The following FIGN variants were observed in gnomAD, a reference collection of about 807,000 sequenced individuals.
The protein encoded by FIGN is fidgetin.
A neutral mutation model predicts 51.3 loss-of-function variants in FIGN; 11 were observed. That is an observed-to-expected ratio of 0.21 (90% CI 0.13 to 0.35). The LOEUF is 0.35. FIGN is among the 10% of genes least tolerant of loss of function. The pLI is 1.00. For missense variants in FIGN, 857 were observed against 943.6 expected (o/e 0.91, Z 1.20); for synonymous variants, 407 against 363.2 (o/e 1.12, Z -1.37).
intron 2 of FIGN, among the ~76,000 whole-genome samples, chr2:163,646,459 T>C (rs986087409): frequency 2.6e-5 from 4 of 152,200 alleles, no homozygotes; most frequent in Non-Finnish European, 5.9e-5. Context: ...ACATTTTACT[T>C]TTCAAGCTTT....
At chr2:163,683,829 T>C (rs902743934) in intron 2 of FIGN, among the ~76,000 whole-genome samples, 4 of 152,136 alleles carry the variant, frequency 2.6e-5, no homozygotes, top group Non-Finnish European at 5.9e-5. Flanking sequence ...CTAGAGAACA[T>C]GTTTTAATGA....
At chr2:163,669,015 A>AATATATATATATATATATATATATATAT (rs138074416) in intron 2 of FIGN, among the ~76,000 whole-genome samples, 22 of 138,522 alleles carry the variant, frequency 1.6e-4, no homozygotes, top group Admixed American at 6.4e-4. Flanking sequence ...GAAAAAAAGG[A>AATATATATATATATATATATATATATAT]ATATATATAT....
intron 2 of FIGN, among the ~76,000 whole-genome samples, chr2:163,616,516 C>A (rs1433753124): frequency 6.6e-6 from 1 of 152,078 alleles, no homozygotes; most frequent in Non-Finnish European, 1.5e-5. Flanking sequence ...AGGGGCTCTG[C>A]CTTCATTTGT....
intron 2 of FIGN, among the ~76,000 whole-genome samples, chr2:163,656,380 G>A (rs192733867): frequency 7.1e-4 from 108 of 152,210 alleles, no homozygotes; most frequent in Admixed American, 6.7e-3. Flanking sequence ...TGGTCATAAC[G>A]AAACAGTGAG....
intron 2 of FIGN, among the ~76,000 whole-genome samples, chr2:163,699,992 A>T (rs1233671545): frequency 6.6e-6 from 1 of 152,084 alleles, no homozygotes; most frequent in Non-Finnish European, 1.5e-5. Flanking sequence ...CCTATGACTG[A>T]CTGTATGAAA....
At chr2:163,656,108 C>A (rs883208) in intron 2 of FIGN, among the ~76,000 whole-genome samples, 37,197 of 151,984 alleles carry the variant, frequency 0.24, 4,693 homozygotes, top group Middle Eastern at 0.31. Flanking sequence ...AATATAATAT[C>A]TCCCCAAGAC....
chr2:163,687,495 T>A (rs1451603028), intron 2 of FIGN, among the ~76,000 whole-genome samples: 2 of 152,160 alleles, frequency 1.3e-5, no homozygotes, highest in Admixed American at 1.3e-4. Flanking sequence ...GAATAATTTA[T>A]CTTTCCCTTT....
In FIGN at chr2:163,731,125, A is replaced by AAAC. The variant is rs532936060; in HGVS notation, c.25+3775_25+3777dup. On this transcript the variant is annotated intron_variant, in intron 2 of 2. Coordinates refer to ENST00000333129, the MANE Select transcript of FIGN (RefSeq NM_018086.4). ...GGCATCCAAACACTCACACAGACAA[A>AAAC]AACAGGGAAGTATTAGCATGGCTGT... is the stretch of plus-strand genomic sequence containing the variant. 8.5e-5 allele frequency among the ~76,000 whole-genome samples: 13 copies of AAAC among 152,252 alleles called. No individual in the cohort carries two copies. In the South Asian group the frequency reaches 2.7e-3, roughly 32 times the overall value.
chr2:163,655,010 T>C (rs1323117554), intron 2 of FIGN, among the ~76,000 whole-genome samples: 1 of 152,304 alleles, frequency 6.6e-6, no homozygotes, highest in African/African-American at 2.4e-5. Flanking sequence ...CCACCTTTTA[T>C]TGTAAGACTT....
intron 2 of FIGN, among the ~76,000 whole-genome samples, chr2:163,624,960 T>C (rs914024645): frequency 6.6e-6 from 1 of 151,998 alleles, no homozygotes; most frequent in African/African-American, 2.4e-5. Flanking sequence ...AATTGGTTGC[T>C]TTGATGTTAG....
chr2:163,647,308 G>A (rs1393248128), intron 2 of FIGN, among the ~76,000 whole-genome samples: 1 of 152,148 alleles, frequency 6.6e-6, no homozygotes, highest in African/African-American at 2.4e-5. Flanking sequence ...CTTCTTTCAG[G>A]TAACAGTCCC....
At chr2:163,668,946 A>G (rs1217716351) in intron 2 of FIGN, among the ~76,000 whole-genome samples, 2 of 151,206 alleles carry the variant, frequency 1.3e-5, no homozygotes, top group African/African-American at 2.4e-5. Context: ...ATCTCAAAAG[A>G]AAAAAAAGAA....
chr2:163,624,073 A>G (rs576391139), intron 2 of FIGN, among the ~76,000 whole-genome samples: 2 of 151,270 alleles, frequency 1.3e-5, no homozygotes, highest in African/African-American at 4.8e-5. Context: ...ATTTGATATG[A>G]GGTTACCTGT....
chr2:163,713,047 T>A (rs1001981726), intron 2 of FIGN, among the ~76,000 whole-genome samples: 1 of 152,160 alleles, frequency 6.6e-6, no homozygotes, highest in Admixed American at 6.5e-5. Flanking sequence ...TGAGGAAAAG[T>A]AGCTTAAGTA....
chr2:163,642,298 A>G (rs1239999204), intron 2 of FIGN, among the ~76,000 whole-genome samples: 1 of 152,244 alleles, frequency 6.6e-6, no homozygotes, highest in Non-Finnish European at 1.5e-5. Flanking sequence ...ACTGCTTCCC[A>G]AAAGCTTTCA....
At chr2:163,733,603 C>A (rs1414463893) in intron 2 of FIGN, among the ~76,000 whole-genome samples, 2 of 152,196 alleles carry the variant, frequency 1.3e-5, no homozygotes, top group Non-Finnish European at 2.9e-5. Context: ...TTTCTCAGGG[C>A]AAATTATGTG....
intron 2 of FIGN, among the ~76,000 whole-genome samples, chr2:163,672,935 A>G (rs1683900627): frequency 6.6e-6 from 1 of 152,188 alleles, no homozygotes; most frequent in East Asian, 1.9e-4. Context: ...CTTTCCAAAG[A>G]GGAAAGAGAT....
rs745962085 is a variant in FIGN, at chr2:163,611,701, C to T, written c.131G>A (p.Gly44Asp). 1.9e-5 allele frequency: 30 copies of T among 1,614,140 alleles called. No homozygotes were observed. The East Asian group carries it at 4.7e-4, about 25-fold the overall frequency. The change falls in exon 3 of 3, where the codon GGT becomes GAT. Residue 44 changes from glycine (G) to aspartate (D), a missense_variant. By Grantham distance (94) the Gly-to-Asp change is moderately conservative (BLOSUM62 -1). This residue lies in a region of FIGN where 56 missense variants were observed against 75.3 expected (regional missense o/e 0.74). Transcript: ENST00000333129. ...GTACTGATAGGTGCGCTGCAGATGA[C>T]CTCTGTAGGCTTCAACTTTGTGGGC... ...SPAHKVEAYR[G>D]HLQRTYQYAW...
In FIGN at chr2:163,606,646, G is replaced by A. The variant is rs981622172; in HGVS notation, c.*2906C>T. ...TTCCAGAATAGATGGTCAGAATAGA[G>A]CTCATTATTAAGCTAGTTTATAGAA... On this transcript the variant is annotated 3_prime_UTR_variant, in exon 3 of 3. Coordinates refer to ENST00000333129, the MANE Select transcript of FIGN (RefSeq NM_018086.4). The A allele has an allele frequency of 1.3e-5, 2 of 152,192 alleles. No individual in the cohort carries two copies. The highest frequency in any genetic ancestry group is 4.8e-5 in the African/African-American group (2 of 41,428). The allele number at this position is 152,192 out of a possible 1,614,324, so 9.4% of individuals were successfully genotyped here.
Sources: allele counts gnomAD v4.1 joint callset (sites outside exome capture counted in the v4.1 genomes callset), GRCh38; gene constraint gnomAD v4.1.1; regional missense constraint gnomAD v4.1.1; transcripts MANE v1.5; gene names NCBI Gene and HGNC (gene_info 2026-07-23, HGNC 2026-07-21).